DOCK10: variants seen among roughly 807,000 people sequenced by gnomAD.
DOCK10 encodes dedicator of cytokinesis protein 10.
In DOCK10, 145 loss-of-function variants were observed where a neutral mutation model predicts 280.1. The observed-to-expected ratio is 0.52, with a 90% CI of 0.45 to 0.59. The LOEUF (loss-of-function observed/expected upper bound fraction) is 0.59. Among genes scored for constraint, DOCK10 ranks in the 20% least tolerant of loss-of-function variants. The probability of loss-of-function intolerance (pLI) is 0.00; values close to 1 mark genes in which losing one functional copy is unlikely to be tolerated. For missense variants in DOCK10, 2,368 were observed against 2,651.7 expected, an observed-to-expected ratio of 0.89 and a Z score of 2.35; for synonymous variants, 915 against 942.2, an observed-to-expected ratio of 0.97 and a Z score of 0.53.
chr2:224,990,428 A>C (rs1042400506), intron 1 of DOCK10, among the ~76,000 whole-genome samples: 1 of 152,238 alleles, frequency 6.6e-6, no homozygotes, highest in African/African-American at 2.4e-5. Flanking sequence ...TCATCTGTTC[A>C]ATGAATGAAT....
chr2:224,898,288 C>T (rs1700099147), intron 3 of DOCK10, among the ~76,000 whole-genome samples: 1 of 152,130 alleles, frequency 6.6e-6, no homozygotes, highest in African/African-American at 2.4e-5. Flanking sequence ...TTTATTTGTT[C>T]AGGGAGGTGC....
At chr2:224,860,148 TA>T (rs1234097336) in intron 14 of DOCK10, among the ~76,000 whole-genome samples, 3 of 152,212 alleles carry the variant, frequency 2.0e-5, no homozygotes. Flanking sequence ...ATAATTTCAA[TA>T]GTCAGTAATA....
rs755531893 is a variant in DOCK10, at chr2:224,797,042, G to A, written c.4749C>T (p.Ala1583=). The change falls in exon 43 of 56, where the codon GCC becomes GCT. Residue 1583 remains alanine (A), a synonymous_variant. Transcript: ENST00000258390. ...NHRSRSTQTE[A]SALLYFFMRK... ...TCATGAAAAAGTACAGAAGGGCTGA[G>A]GCTTCTGTCTGAGTTGACCGTGACC... The A allele has an allele frequency of 2.4e-5, 39 of 1,613,416 alleles. No homozygotes were observed. The highest frequency in any genetic ancestry group is 3.3e-5 in the Non-Finnish European group (39 of 1,179,582).
At chr2:224,850,292 A>C (rs955192855) in intron 18 of DOCK10, among the ~76,000 whole-genome samples, 1 of 152,116 alleles carries the variant, frequency 6.6e-6, no homozygotes, top group African/African-American at 2.4e-5. Flanking sequence ...CATCCTTGAA[A>C]TCCTTCTCAT....
At chr2:224,830,953 T>TTATTTATTTATTTTC (rs1346004290) in intron 26 of DOCK10, among the ~76,000 whole-genome samples, 9 of 152,132 alleles carry the variant, frequency 5.9e-5, no homozygotes, top group Non-Finnish European at 1.2e-4. Flanking sequence ...TATTTATTTT[T>TTATTTATTTATTTTC]TGAGACAGTC....
intron 14 of DOCK10, chr2:224,860,869 C>A (rs971262876): frequency 1.3e-5 from 2 of 152,190 alleles, no homozygotes; most frequent in African/African-American, 4.8e-5. Context: ...GCATGCCCCA[C>A]CATGCCTGGC....
At chr2:224,926,254 C>T (rs1041592431) in intron 2 of DOCK10, among the ~76,000 whole-genome samples, 15 of 152,194 alleles carry the variant, frequency 9.9e-5, no homozygotes, top group Non-Finnish European at 1.8e-4. Flanking sequence ...AGGCCCTCAA[C>T]CTGGAAGAAA....
intron 1 of DOCK10, among the ~76,000 whole-genome samples, chr2:225,032,244 A>G (rs1488626968): frequency 1.3e-5 from 2 of 152,190 alleles, no homozygotes; most frequent in African/African-American, 4.8e-5. Context: ...AGAAGCTTAA[A>G]GACTTGGCCA....
At chr2:224,845,870 C>A (rs1559546467) in intron 19 of DOCK10, among the ~76,000 whole-genome samples, 1 of 152,158 alleles carries the variant, frequency 6.6e-6, no homozygotes, top group Non-Finnish European at 1.5e-5. Flanking sequence ...ATTACAGGCA[C>A]ACACTATCAT....
chr2:224,797,732 T>C lies in DOCK10; in HGVS notation c.4644+100A>G, dbSNP rs938790557. On this transcript the variant is annotated intron_variant, in intron 42 of 55. Coordinates refer to ENST00000258390, the MANE Select transcript of DOCK10 (RefSeq NM_014689.3). ...CCCAAATTGAAGAAAACAATCCTTC[T>C]TCCCTCCCTACTGAGAAACGCAAGG... 3 of 1,355,172 alleles carry C rather than the reference T, an allele frequency of 2.2e-6. No homozygotes were observed. In the African/African-American group the frequency reaches 4.4e-5, roughly 20 times the overall value. The allele number at this position is 1,355,172 out of a possible 1,614,324, so 83.9% of individuals were successfully genotyped here. A position where few individuals can be genotyped will look rare whatever the true frequency, so the allele number is the denominator to read the frequency against.
intron 1 of DOCK10, among the ~76,000 whole-genome samples, chr2:225,040,326 A>G (rs1471358552): frequency 6.6e-6 from 1 of 152,194 alleles, no homozygotes; most frequent in African/African-American, 2.4e-5. Context: ...GTAAGATCCC[A>G]TGAAATGTCT....
chr2:224,881,282 C>T (rs1276499765), intron 7 of DOCK10, among the ~76,000 whole-genome samples: 1 of 152,032 alleles, frequency 6.6e-6, no homozygotes, highest in Non-Finnish European at 1.5e-5. Context: ...GCATCCTTCC[C>T]ACATCCTGGA....
At chr2:224,825,517 G>A (rs1279809312) in intron 27 of DOCK10, among the ~76,000 whole-genome samples, 1 of 152,080 alleles carries the variant, frequency 6.6e-6, no homozygotes, top group Non-Finnish European at 1.5e-5. Context: ...AAGAATCAAA[G>A]CACACTTTTA....
Position 224,864,608 on chromosome 2 carries a change from A to G in DOCK10, c.1547T>C (p.Met516Thr), listed in dbSNP as rs779150686. 1 of 1,613,616 alleles carries G rather than the reference A, an allele frequency of 6.2e-7. No homozygotes were observed. Among genetic ancestry groups the G allele is most frequent in the Non-Finnish European group, 8.5e-7 (1 of 1,179,822 alleles). ...TTCGGCACCACTTGCAATGTTTCCC[A>G]TCAAGACTTTTTCGATTTTGGCCAC... ...VLVAKIEKVL[M>T]GNIASGAEPY... Residue 516 changes from methionine (M) to threonine (T), a missense_variant, in exon 13 of 56, where the codon ATG (methionine) becomes ACG (threonine). Transcript: ENST00000258390.
At chr2:224,893,716 A>G (rs995424905) in intron 4 of DOCK10, 2 of 407,172 alleles carry the variant, frequency 4.9e-6, no homozygotes, top group Middle Eastern at 5.7e-4. Context: ...TAAAGAATAA[A>G]TTTCACCTTT....
intron 28 of DOCK10, among the ~76,000 whole-genome samples, chr2:224,821,704 T>A (rs1396383841): frequency 6.6e-6 from 1 of 152,202 alleles, no homozygotes; most frequent in Admixed American, 6.5e-5. Context: ...GGGAAGAATA[T>A]TTCAGATGTT....
rs1559466191 is a variant in DOCK10, at chr2:224,811,660, G to A, written c.3409+2660C>T. On this transcript the variant is annotated intron_variant, in intron 31 of 55. Transcript: ENST00000258390. Reference sequence around the variant, plus strand: ...TTTAATCCATCTTGAATTGATTTTTGTATAAGGTGTAAGGAAGGGATCCAG... The same window carrying A: ...TTTAATCCATCTTGAATTGATTTTTATATAAGGTGTAAGGAAGGGATCCAG... Among the ~76,000 whole-genome samples, 4 of 152,254 alleles carry A rather than the reference G, an allele frequency of 2.6e-5. No homozygotes were observed. The South Asian group carries it at 8.3e-4, about 32-fold the overall frequency.
intron 52 of DOCK10, among the ~76,000 whole-genome samples, chr2:224,773,644 T>C (rs1406923706): frequency 6.6e-6 from 1 of 151,792 alleles, no homozygotes; most frequent in African/African-American, 2.4e-5. Context: ...CTATCTTTTT[T>C]TTTTTTTGAG....
At chr2:224,981,441 G>T (rs1342570158) in intron 1 of DOCK10, among the ~76,000 whole-genome samples, 1 of 152,076 alleles carries the variant, frequency 6.6e-6, no homozygotes, top group East Asian at 1.9e-4. Context: ...AAGCCACCTA[G>T]ACTTCAATGT....
Sources: gnomAD v4.1 joint callset for allele counts (sites outside exome capture counted in the v4.1 genomes callset) on GRCh38, gnomAD v4.1.1 for gene constraint, MANE v1.5 for transcripts, NCBI Gene and HGNC (gene_info 2026-07-23, HGNC 2026-07-21) for gene names.